SULF1: variants seen among roughly 807,000 people sequenced by gnomAD.
The protein encoded by SULF1 is extracellular sulfatase Sulf-1.
Under a neutral mutation model 110.5 loss-of-function variants are expected in SULF1, and 46 were observed. The ratio of observed to expected loss-of-function variants is 0.42; its 90% CI spans 0.33 to 0.53. SULF1 has a LOEUF of 0.53. Ranked by LOEUF, SULF1 falls within the 20% of genes least tolerant of loss-of-function variation. The pLI is 0.12. For synonymous variants in SULF1, 371 were observed against 387.1 expected, an observed-to-expected ratio of 0.96 and a Z score of 0.49; for missense variants, 941 against 1,094.2, an observed-to-expected ratio of 0.86 and a Z score of 1.98.
upstream of SULF1, among the ~76,000 whole-genome samples, chr8:69,488,592 G>GA: frequency 6.6e-6 from 1 of 152,186 alleles, no homozygotes; most frequent in Middle Eastern, 3.4e-3. Context: ...AGTTCTCGGT[G>GA]AAAATTCCAT....
intron 3 of SULF1, among the ~76,000 whole-genome samples, chr8:69,519,674 G>A (rs145251378): frequency 2.0e-5 from 3 of 152,278 alleles, no homozygotes; most frequent in African/African-American, 7.2e-5. Context: ...TTGACAAATA[G>A]AGTATCTACC....
intron 5 of SULF1, among the ~76,000 whole-genome samples, chr8:69,571,800 A>G (rs546058291): frequency 1.1e-3 from 170 of 152,356 alleles, no homozygotes; most frequent in Non-Finnish European, 2.0e-3. Flanking sequence ...CAGTGGGAAT[A>G]TATACAGGGT....
chr8:69,531,682 C>T (rs911485999), intron 3 of SULF1, among the ~76,000 whole-genome samples: 3 of 152,140 alleles, frequency 2.0e-5, no homozygotes, highest in Non-Finnish European at 4.4e-5. Context: ...GAAGTCTCTG[C>T]GGATAACCTG....
chr8:69,629,492 C>T lies in SULF1; in HGVS notation c.2109-12C>T. ...TTCTGAACACTCAAAATAATCCCTT[C>T]TCTTGGAACAGGGAGGCTGCTCAGG... On this transcript the variant is annotated splice_polypyrimidine_tract_variant and intron_variant, in intron 18 of 22. Coordinates refer to ENST00000402687, the MANE Select transcript of SULF1 (RefSeq NM_001128205.2). The T allele has an allele frequency of 6.2e-7, 1 of 1,604,066 alleles. No homozygotes were observed. Among genetic ancestry groups the T allele is most frequent in the Non-Finnish European group, 8.5e-7 (1 of 1,175,918 alleles).
At position 69,603,295 on chromosome 8, in the gene SULF1, C is replaced by T. The variant is rs1807980467; in HGVS notation, c.1165C>T (p.Leu389=). 1 of 1,614,002 alleles carries T rather than the reference C, an allele frequency of 6.2e-7. No individual in the cohort carries two copies. The highest frequency in any genetic ancestry group is 1.3e-5 in the African/African-American group (1 of 74,920). Residue 389 remains leucine, a synonymous_variant, in exon 11 of 23, where the codon CTG becomes TTG. Transcript: ENST00000402687. Reference sequence around the variant, plus strand: ...GGACGGCAAGTCTGTCCTCAAACTTCTGGACCCAGAAAAGCCAGGTAACAG... The same window carrying T: ...GGACGGCAAGTCTGTCCTCAAACTTTTGGACCCAGAAAAGCCAGGTAACAG... ...DVDGKSVLKL[L]DPEKPGNRFR...
intron 3 of SULF1, among the ~76,000 whole-genome samples, chr8:69,555,278 A>T (rs1311023221): frequency 6.6e-6 from 1 of 152,156 alleles, no homozygotes; most frequent in African/African-American, 2.4e-5. Flanking sequence ...GGAAGGAGGA[A>T]GGAACTTGTT....
chr8:69,571,639 C>T (rs901280285), intron 5 of SULF1, among the ~76,000 whole-genome samples: 9 of 152,218 alleles, frequency 5.9e-5, no homozygotes, highest in African/African-American at 1.9e-4. Context: ...AAGTGAAGAG[C>T]TTCAGCTTAA....
chr8:69,588,826 C>A, intron 7 of SULF1, 146 bp from the exon 8 acceptor site: 1 of 602,618 alleles, frequency 1.7e-6, no homozygotes. Flanking sequence ...AAATGTTCGG[C>A]TGCCTTGGGA....
intron 1 of SULF1, among the ~76,000 whole-genome samples, chr8:69,486,225 C>T (rs1166899475): frequency 1.3e-5 from 2 of 152,068 alleles, no homozygotes; most frequent in Non-Finnish European, 2.9e-5. Context: ...TGAACGATAC[C>T]GAGTCCTTAC....
intron 1 of SULF1, among the ~76,000 whole-genome samples, chr8:69,486,128 C>T (rs936726186): frequency 6.6e-6 from 1 of 152,128 alleles, no homozygotes; most frequent in Non-Finnish European, 1.5e-5. Context: ...AGGGCATATG[C>T]TTTTTGCTCA....
At chr8:69,517,539 C>A (rs80346770) in intron 3 of SULF1, among the ~76,000 whole-genome samples, 1 of 151,844 alleles carries the variant, frequency 6.6e-6, no homozygotes, top group Non-Finnish European at 1.5e-5. Flanking sequence ...GGTAGGGAAA[C>A]GATATAAGGT....
intron 3 of SULF1, among the ~76,000 whole-genome samples, chr8:69,551,869 A>T (rs1363267861): frequency 6.6e-6 from 1 of 152,168 alleles, no homozygotes; most frequent in African/African-American, 2.4e-5. Context: ...AGGCGGGTGG[A>T]TCACCTGAGG....
intron 15 of SULF1, among the ~76,000 whole-genome samples, chr8:69,624,939 G>A (rs1809887074): frequency 6.6e-6 from 1 of 152,178 alleles, no homozygotes; most frequent in Admixed American, 6.5e-5. Flanking sequence ...GAGGAGATGG[G>A]ACACTGTGTG....
chr8:69,586,071 T>C (rs1372887314), intron 6 of SULF1, among the ~76,000 whole-genome samples: 1 of 152,216 alleles, frequency 6.6e-6, no homozygotes. Flanking sequence ...TTTACTCCAG[T>C]AGGACCATAA....
chr8:69,549,561 G>T (rs905100080), intron 3 of SULF1, among the ~76,000 whole-genome samples: 2 of 148,058 alleles, frequency 1.4e-5, no homozygotes, highest in Admixed American at 6.7e-5. Flanking sequence ...AGGGAGACAA[G>T]TCCTGCTGGG....
intron 1 of SULF1, among the ~76,000 whole-genome samples, chr8:69,487,025 C>T (rs377661970): frequency 1.3e-5 from 2 of 152,188 alleles, no homozygotes; most frequent in African/African-American, 4.8e-5. Flanking sequence ...ATCTTTTCCT[C>T]CAACAGAATG....
intron 5 of SULF1, 109 bp from the exon 6 acceptor site, chr8:69,575,861 A>T: frequency 7.5e-7 from 1 of 1,334,538 alleles, no homozygotes. Flanking sequence ...CCTTTAAGCT[A>T]AGGAAAGGAA....
intron 19 of SULF1, among the ~76,000 whole-genome samples, chr8:69,634,409 G>A (rs546475823): frequency 2.0e-5 from 3 of 152,104 alleles, no homozygotes; most frequent in African/African-American, 7.2e-5. Context: ...TACTTAAAGG[G>A]TGCACATCTA....
At chr8:69,603,103 C>T in intron 10 of SULF1, 89 bp from the exon 11 acceptor site, 39 of 1,563,668 alleles carry the variant, frequency 2.5e-5, no homozygotes, top group Non-Finnish European at 3.4e-5. Context: ...GAGTTGAAGG[C>T]CAATGAGTCA....
Sources: allele counts gnomAD v4.1 joint callset (sites outside exome capture counted in the v4.1 genomes callset), GRCh38; gene constraint gnomAD v4.1.1; transcripts MANE v1.5; gene names NCBI Gene and HGNC (gene_info 2026-07-23, HGNC 2026-07-21).